The following XAGE2 variants were observed in gnomAD, a reference collection of about 807,000 sequenced individuals.
XAGE2 encodes X antigen family member 2, also known as G antigen family D member 3.
XAGE2 carries 7 observed loss-of-function variants against 9.9 expected under a neutral mutation model. The ratio of observed to expected loss-of-function variants is 0.71; its 90% CI spans 0.40 to 1.32. The LOEUF (loss-of-function observed/expected upper bound fraction) is 1.32. Ranked by LOEUF, XAGE2 falls within the 40% of genes most tolerant of loss-of-function variation. The probability of loss-of-function intolerance (pLI) is 0.01; values close to 1 mark genes in which losing one functional copy is unlikely to be tolerated. For missense variants in XAGE2, 85 were observed against 81.0 expected, an observed-to-expected ratio of 1.05 and a Z score of -0.19; for synonymous variants, 31 against 26.8, an observed-to-expected ratio of 1.16 and a Z score of -0.48.
Position 52,372,655 on chromosome X carries a change from A to G in XAGE2, c.299A>G (p.Lys100Arg), listed in dbSNP as rs995819206. Residue 100 changes from lysine (K) to arginine (R), a missense_variant, in exon 4 of 5, where the codon AAA (lysine) becomes AGA (arginine). Coordinates refer to ENST00000286049, the MANE Select transcript of XAGE2 (RefSeq NM_130777.3). The stretch of plus-strand genomic sequence containing the variant: ...ATTCTACCAAAAGCAGAGCACTTTA[A>G]AATGCCAGAAGCAGGTGTGTTATTC... ...GKILPKAEHF[K>R]MPEAGEGKSQ... The G allele has an allele frequency of 7.4e-6, 9 of 1,211,488 alleles. No individual in the cohort carries two copies. The highest frequency in any genetic ancestry group is 2.3e-4 in the Middle Eastern group (1 of 4,350).
rs1328458417 is a variant in XAGE2, at chrX:52,375,652, C to A, written c.*61C>A. 11 of 1,003,455 alleles carry A rather than the reference C, an allele frequency of 1.1e-5. No individual in the cohort carries two copies. The highest frequency in any genetic ancestry group is 1.4e-5 in the Non-Finnish European group (10 of 729,134). The allele number at this position is 1,003,455 out of a possible 1,213,427, so 82.7% of individuals were successfully genotyped here. ...TATTAGATATTTTACTTTAAAATATCTTAATAAAGTTTTAAGCTTTTCTCC... is the reference window on the plus strand; with the variant it reads ...TATTAGATATTTTACTTTAAAATATATTAATAAAGTTTTAAGCTTTTCTCC... On this transcript the variant is annotated 3_prime_UTR_variant, in exon 5 of 5. Transcript: ENST00000286049.
intron 3 of XAGE2, among the ~76,000 whole-genome samples, chrX:52,372,056 A>G (rs1353201500): frequency 1.8e-5 from 2 of 111,781 alleles, no homozygotes; most frequent in Non-Finnish European, 3.8e-5. Flanking sequence ...TTGTCATTTT[A>G]TATTAGATTT....
chrX:52,370,001 T>A lies in XAGE2; in HGVS notation c.-8-6T>A. On this transcript the variant is annotated splice_region_variant and splice_polypyrimidine_tract_variant and intron_variant, in intron 1 of 4. Coordinates refer to ENST00000286049, the MANE Select transcript of XAGE2 (RefSeq NM_130777.3). ...CACTTTCCCAATCACAGTATTCTGT[T>A]TGCAGAGTGAAATATGAGTTGGCGA... 1 of 1,210,655 alleles carries A rather than the reference T, an allele frequency of 8.3e-7. No individual in the cohort carries two copies. Among genetic ancestry groups the A allele is most frequent in the Non-Finnish European group, 1.1e-6 (1 of 894,006 alleles).
chrX:52,372,516 C>A, intron 3 of XAGE2, 28 bp from the exon 4 acceptor site: 1 of 1,208,402 alleles, frequency 8.3e-7, no homozygotes, highest in South Asian at 1.8e-5. Context: ...TTTTTGTACT[C>A]AAGTTCAATA....
chrX:52,374,414 G>A (rs1921264524), intron 4 of XAGE2, among the ~76,000 whole-genome samples: 1 of 111,044 alleles, frequency 9.0e-6, no homozygotes, highest in African/African-American at 3.3e-5. Context: ...TGTATTTTTA[G>A]TAGAGACGAG....
intron 1 of XAGE2, among the ~76,000 whole-genome samples, chrX:52,369,800 A>C (rs1408196864): frequency 8.8e-6 from 1 of 113,084 alleles, no homozygotes; most frequent in Non-Finnish European, 1.9e-5. Flanking sequence ...AGGAGCATTA[A>C]GACATTGCTC....
intron 4 of XAGE2, 31 bp from the exon 5 acceptor site, chrX:52,375,538 T>C: frequency 8.3e-7 from 1 of 1,199,936 alleles, no homozygotes; most frequent in Admixed American, 2.2e-5. Context: ...GTTCTGCTAG[T>C]AATGTTCCAC....
In XAGE2 at chrX:52,373,871, C is replaced by T. The variant is rs893729994; in HGVS notation, c.313+1202C>T. On this transcript the variant is annotated intron_variant, in intron 4 of 4. Coordinates refer to ENST00000286049, the MANE Select transcript of XAGE2 (RefSeq NM_130777.3). Reference sequence around the variant, plus strand: ...ACATTAAAAGATAGTTTTCAGGAGCCGATTGAACAAGCCTCAGTTGTATTC... The same window carrying T: ...ACATTAAAAGATAGTTTTCAGGAGCTGATTGAACAAGCCTCAGTTGTATTC... Among the ~76,000 whole-genome samples, 1,029 of 111,125 alleles carry T rather than the reference C, an allele frequency of 9.3e-3. 3 individuals are homozygous for T. The highest frequency in any genetic ancestry group is 0.025 in the South Asian group (66 of 2,599).
rs1033749477 is a variant in XAGE2, at chrX:52,375,488, C to T, written c.314-81C>T. 1.5e-4 allele frequency: 166 copies of T among 1,075,026 alleles called. No individual in the cohort carries two copies. The East Asian group carries it at 4.9e-3, about 31-fold the overall frequency. The allele number at this position is 1,075,026 out of a possible 1,213,427, so 88.6% of individuals were successfully genotyped here. On this transcript the variant is annotated intron_variant, in intron 4 of 4. Transcript: ENST00000286049. Reference sequence around the variant, plus strand: ...CTTAGTCCACTGTACGAAACAAAAACTTTGGTGTCATTTGCATATCTTAAT... The same window carrying T: ...CTTAGTCCACTGTACGAAACAAAAATTTTGGTGTCATTTGCATATCTTAAT...
At chrX:52,369,272 T>C (rs886813310) in intron 1 of XAGE2, 58 bp downstream of exon 1, 81 of 111,924 alleles carry the variant, frequency 7.2e-4, no homozygotes, top group East Asian at 3.7e-3. Context: ...GCGTGGTCTG[T>C]GGCCTCAGAG....
chrX:52,369,979 T>C, intron 1 of XAGE2, 28 bp from the exon 2 acceptor site: 3 of 1,193,420 alleles, frequency 2.5e-6, no homozygotes, highest in Non-Finnish European at 3.4e-6. Context: ...TCAAACACAC[T>C]TTCCCAATCA....
Position 52,370,034 on chromosome X carries a change from C to T in XAGE2, c.20C>T (p.Ser7Leu). 1 of 1,212,068 alleles carries T rather than the reference C, an allele frequency of 8.3e-7. No individual in the cohort carries two copies. The highest frequency in any genetic ancestry group is 3.0e-5 in the East Asian group (1 of 33,855). The change falls in exon 2 of 5, where the codon TCA (serine) becomes TTA (leucine). Residue 7 changes from serine to leucine, a missense_variant. Ser to Leu is a moderately radical substitution (Grantham distance 145). Coordinates refer to ENST00000286049, the MANE Select transcript of XAGE2 (RefSeq NM_130777.3). ...TGAAATATGAGTTGGCGAGGAAGATCAACATATAGGCCTAGGCCAAGAAGA... is the reference window on the plus strand; with the variant it reads ...TGAAATATGAGTTGGCGAGGAAGATTAACATATAGGCCTAGGCCAAGAAGA... MSWRGR[S>L]TYRPRPRRSL...
intron 4 of XAGE2, among the ~76,000 whole-genome samples, chrX:52,374,780 G>A (rs1042297779): frequency 1.6e-4 from 17 of 107,815 alleles, no homozygotes; most frequent in East Asian, 2.9e-4. Context: ...CTTTTTTTTC[G>A]TGCCATACTG....
chrX:52,373,135 G>A (rs914000199), intron 4 of XAGE2, among the ~76,000 whole-genome samples: 15 of 112,182 alleles, frequency 1.3e-4, no homozygotes, highest in East Asian at 2.8e-4. Context: ...ATTAAAATCC[G>A]TTTCAATGCT....
At chrX:52,372,924 T>C (rs1024867068) in intron 4 of XAGE2, among the ~76,000 whole-genome samples, 8,135 of 111,980 alleles carry the variant, frequency 0.073, 692 homozygotes, top group African/African-American at 0.25. Flanking sequence ...AACCAACAGC[T>C]AACAATTTTC....
chrX:52,372,147 T>C (rs1254286770), intron 3 of XAGE2, among the ~76,000 whole-genome samples: 2 of 111,123 alleles, frequency 1.8e-5, no homozygotes, highest in Non-Finnish European at 3.8e-5. Context: ...GCCTGAGAGT[T>C]AGGAACTAGC....
intron 4 of XAGE2, among the ~76,000 whole-genome samples, chrX:52,373,858 A>G (rs1921253564): frequency 8.9e-6 from 1 of 111,840 alleles, no homozygotes. Flanking sequence ...ATTAAAAGAT[A>G]GTTTTCAGGA....
chrX:52,369,573 A>G (rs1921141264), intron 1 of XAGE2, among the ~76,000 whole-genome samples: 1 of 111,612 alleles, frequency 9.0e-6, no homozygotes, highest in African/African-American at 3.3e-5. Flanking sequence ...ATGTGTCACA[A>G]CTTCTCAACT....
chrX:52,375,246 A>G (rs922479928), intron 4 of XAGE2, among the ~76,000 whole-genome samples: 3 of 112,105 alleles, frequency 2.7e-5, no homozygotes, highest in African/African-American at 9.7e-5. Flanking sequence ...TAGTAAAATT[A>G]TACACAATTT....
Sources: allele counts gnomAD v4.1 joint callset (sites outside exome capture counted in the v4.1 genomes callset), GRCh38; gene constraint gnomAD v4.1.1; transcripts MANE v1.5; gene names NCBI Gene and HGNC (gene_info 2026-07-23, HGNC 2026-07-21).